Variants in NOL4 observed in about 807,000 individuals in gnomAD.
NOL4 encodes the protein cancer/testis antigen 125.
In NOL4, 17 loss-of-function variants were observed where a neutral mutation model predicts 75.9. That is an observed-to-expected ratio of 0.22 (90% CI 0.15 to 0.34). The LOEUF (loss-of-function observed/expected upper bound fraction) is 0.34. Ranked by LOEUF, NOL4 falls within the 10% of genes least tolerant of loss-of-function variation. NOL4 has a pLI of 1.00. For missense variants in NOL4, 614 were observed against 793.5 expected (o/e 0.77, Z 2.72); for synonymous variants, 292 against 289.9 (o/e 1.01, Z -0.07).
intron 1 of NOL4, among the ~76,000 whole-genome samples, chr18:34,217,637 CTAATTA>C (rs2036997568): frequency 6.6e-6 from 1 of 151,918 alleles, no homozygotes; most frequent in Non-Finnish European, 1.5e-5. Flanking sequence ...TAAAATATAC[CTAATTA>C]TAATTACATC....
intron 5 of NOL4, among the ~76,000 whole-genome samples, chr18:34,030,744 C>T (rs1207012115): frequency 1.3e-5 from 2 of 151,806 alleles, no homozygotes; most frequent in Admixed American, 1.3e-4. Flanking sequence ...ATAATAAATG[C>T]TTTAGGTAAT....
At chr18:33,898,176 G>T (rs559837803) in intron 9 of NOL4, among the ~76,000 whole-genome samples, 1 of 152,264 alleles carries the variant, frequency 6.6e-6, no homozygotes, top group South Asian at 2.1e-4. Flanking sequence ...GCCTCCCAAA[G>T]TGCTAGGATT....
At chr18:34,099,145 C>T (rs374699842) in intron 4 of NOL4, among the ~76,000 whole-genome samples, 2 of 151,432 alleles carry the variant, frequency 1.3e-5, no homozygotes, top group East Asian at 1.9e-4. Flanking sequence ...GGTGGATCAC[C>T]TGAGGTCAGG....
At chr18:34,107,436 A>G (rs1454396454) in intron 2 of NOL4, among the ~76,000 whole-genome samples, 1 of 152,032 alleles carries the variant, frequency 6.6e-6, no homozygotes, top group Non-Finnish European at 1.5e-5. Context: ...CCATGTCACT[A>G]TCTATTACAT....
intron 9 of NOL4, among the ~76,000 whole-genome samples, chr18:33,884,276 GTCTT>G (rs1442762522): frequency 6.6e-6 from 1 of 151,920 alleles, no homozygotes; most frequent in Non-Finnish European, 1.5e-5. Context: ...GTGTGTGTGT[GTCTT>G]TCTCTTTTTA....
intron 4 of NOL4, among the ~76,000 whole-genome samples, chr18:34,095,691 AATATTACTAT>A (rs1394946503): frequency 6.6e-6 from 1 of 152,146 alleles, no homozygotes; most frequent in Non-Finnish European, 1.5e-5. Context: ...AAAATGGTTT[AATATTACTAT>A]ATGGAATATA....
intron 2 of NOL4, among the ~76,000 whole-genome samples, chr18:34,123,557 ATATG>A (rs1312101166): frequency 7.2e-6 from 1 of 139,848 alleles, no homozygotes; most frequent in East Asian, 2.2e-4. Context: ...ATATATATAT[ATATG>A]GTTCTCTATA....
chr18:34,080,773 A>G (rs2145392479), intron 5 of NOL4, among the ~76,000 whole-genome samples: 1 of 152,350 alleles, frequency 6.6e-6, no homozygotes, highest in East Asian at 1.9e-4. Flanking sequence ...GTAAAGCATC[A>G]TTGTTAATGG....
At chr18:34,070,350 C>G (rs1473583273) in intron 5 of NOL4, among the ~76,000 whole-genome samples, 1 of 152,190 alleles carries the variant, frequency 6.6e-6, no homozygotes, top group Non-Finnish European at 1.5e-5. Context: ...TAAAGTTTCA[C>G]CACATCTCTA....
chr18:34,064,114 A>T (rs2077172187), intron 5 of NOL4, among the ~76,000 whole-genome samples: 1 of 152,034 alleles, frequency 6.6e-6, no homozygotes, highest in Admixed American at 6.6e-5. Context: ...CAATTGGCAT[A>T]TTGTCACTTA....
chr18:34,055,320 A>G (rs2076791185), intron 5 of NOL4, among the ~76,000 whole-genome samples: 1 of 152,112 alleles, frequency 6.6e-6, no homozygotes, highest in Non-Finnish European at 1.5e-5. Flanking sequence ...GAACTTCCTC[A>G]GATTTGTCTG....
chr18:34,039,429 A>G (rs2076048325), intron 5 of NOL4, among the ~76,000 whole-genome samples: 1 of 152,006 alleles, frequency 6.6e-6, no homozygotes. Flanking sequence ...AGCAGACTTC[A>G]ATGAATCTCT....
At chr18:34,074,544 A>G (rs552788781) in intron 5 of NOL4, among the ~76,000 whole-genome samples, 24 of 152,086 alleles carry the variant, frequency 1.6e-4, no homozygotes, top group African/African-American at 5.1e-4. Context: ...TAAATTTATA[A>G]GCAATATATC....
intron 10 of NOL4, among the ~76,000 whole-genome samples, chr18:33,880,377 G>A (rs544289432): frequency 6.6e-6 from 1 of 150,548 alleles, no homozygotes; most frequent in East Asian, 2.0e-4. Flanking sequence ...GTATAGTTAG[G>A]AAAGTTTTTC....
chr18:34,200,377 TA>T (rs939412255), intron 1 of NOL4, among the ~76,000 whole-genome samples: 2 of 151,860 alleles, frequency 1.3e-5, no homozygotes, highest in Admixed American at 1.3e-4. Flanking sequence ...AAATAATTTT[TA>T]AAATAAAGTG....
intron 5 of NOL4, among the ~76,000 whole-genome samples, chr18:34,029,929 TA>T (rs1483795525): frequency 7.2e-5 from 11 of 152,276 alleles, no homozygotes; most frequent in African/African-American, 2.6e-4. Flanking sequence ...AAATCTAAAA[TA>T]AAGTAGTAAA....
At chr18:33,969,290 T>TATGGACTGAA (rs1225411714) in intron 6 of NOL4, among the ~76,000 whole-genome samples, 4 of 152,208 alleles carry the variant, frequency 2.6e-5, no homozygotes, top group African/African-American at 9.6e-5. Context: ...TTACCTTCGA[T>TATGGACTGAA]ATGGACTGAA....
At chr18:34,055,680 A>G (rs549137608) in intron 5 of NOL4, among the ~76,000 whole-genome samples, 18 of 152,230 alleles carry the variant, frequency 1.2e-4, no homozygotes, top group Non-Finnish European at 2.2e-4. Context: ...TATTTCTTCA[A>G]ATAAACTCTG....
chr18:34,223,544 G>A lies in NOL4; in HGVS notation c.-291C>T, dbSNP rs574510555. 2.0e-6 allele frequency: 1 copy of A among 497,646 alleles called. No individual in the cohort carries two copies. The highest frequency in any genetic ancestry group is 2.6e-5 in the South Asian group (1 of 38,084). The allele number at this position is 497,646 out of a possible 1,614,324, so 30.8% of individuals were successfully genotyped here. ...GGTCTCTTTAATATTTTGTGACCAG[G>A]ACCATCCCAACACCATTCTGGCCCA... On this transcript the variant is annotated 5_prime_UTR_variant, in exon 1 of 11. Coordinates refer to ENST00000261592, the MANE Select transcript of NOL4 (RefSeq NM_003787.5).
Sources: gnomAD v4.1 joint callset for allele counts (sites outside exome capture counted in the v4.1 genomes callset) on GRCh38, gnomAD v4.1.1 for gene constraint, MANE v1.5 for transcripts, NCBI Gene and HGNC (gene_info 2026-07-23, HGNC 2026-07-21) for gene names.